Variants in LNPEP observed in about 807,000 individuals in gnomAD.
The protein encoded by LNPEP is leucyl-cystinyl aminopeptidase.
LNPEP carries 64 observed loss-of-function variants against 120.6 expected under a neutral mutation model. The ratio of observed to expected loss-of-function variants is 0.53; its 90% CI spans 0.43 to 0.65. LNPEP has a LOEUF of 0.65. Among genes scored for constraint, LNPEP ranks in the 30% least tolerant of loss-of-function variants. The probability of loss-of-function intolerance (pLI) is 0.00; values close to 1 mark genes in which losing one functional copy is unlikely to be tolerated. For synonymous variants in LNPEP, 435 were observed against 425.4 expected, an observed-to-expected ratio of 1.02 and a Z score of -0.28; for missense variants, 1,057 against 1,200.0, an observed-to-expected ratio of 0.88 and a Z score of 1.76.
chr5:96,970,806 C>A (rs530732979), intron 1 of LNPEP, among the ~76,000 whole-genome samples: 8 of 151,942 alleles, frequency 5.3e-5, no homozygotes, highest in Non-Finnish European at 1.0e-4. Flanking sequence ...TGCTTAATTT[C>A]TCTTACTCAA....
intron 1 of LNPEP, among the ~76,000 whole-genome samples, chr5:96,965,797 C>T (rs927664220): frequency 6.6e-6 from 1 of 152,072 alleles, no homozygotes; most frequent in South Asian, 2.1e-4. Flanking sequence ...AGAATTTCTA[C>T]CTTGTTTGTT....
chr5:97,004,650 C>T (rs1790735694), intron 9 of LNPEP, among the ~76,000 whole-genome samples: 1 of 152,142 alleles, frequency 6.6e-6, no homozygotes, highest in African/African-American at 2.4e-5. Context: ...AGGTTAGGAA[C>T]CCCTGCTCTG....
chr5:96,979,919 A>G lies in LNPEP; in HGVS notation c.801A>G (p.Ile267Met). 6.2e-7 allele frequency: 1 copy of G among 1,612,950 alleles called. No homozygotes were observed. The highest frequency in any genetic ancestry group is 8.5e-7 in the Non-Finnish European group (1 of 1,179,272). ...YTLKIEYSAN[I>M]SSSYYGFYGF... The stretch of plus-strand genomic sequence containing the variant: ...TGAAGATAGAGTACTCGGCAAATAT[A>G]TCTAGTTCTTATTATGGGTTTTATG... The change falls in exon 2 of 18, where the codon ATA becomes ATG. Residue 267 changes from isoleucine (I) to methionine (M), a missense_variant. By Grantham distance (10) the Ile-to-Met change is conservative. Coordinates refer to ENST00000231368, the MANE Select transcript of LNPEP (RefSeq NM_005575.3).
chr5:97,022,294 C>T lies in LNPEP; in HGVS notation c.2377-6C>T, dbSNP rs374578138. ...GAAGCCATTATAATCTATTTTGTCT[C>T]TCTAGACTAGGGTATTTAAATTACT... On this transcript the variant is annotated splice_region_variant and splice_polypyrimidine_tract_variant and intron_variant, in intron 13 of 17. Coordinates refer to ENST00000231368, the MANE Select transcript of LNPEP (RefSeq NM_005575.3). 9 of 1,542,962 alleles carry T rather than the reference C, an allele frequency of 5.8e-6. No homozygotes were observed. The African/African-American group carries it at 1.2e-4, about 21-fold the overall frequency.
chr5:96,965,389 C>T (rs943288536), intron 1 of LNPEP, among the ~76,000 whole-genome samples: 1 of 151,726 alleles, frequency 6.6e-6, no homozygotes, highest in Non-Finnish European at 1.5e-5. Flanking sequence ...TCCTAGAATT[C>T]TGCCTCCCAA....
At chr5:97,023,402 C>T (rs1198519154) in intron 14 of LNPEP, among the ~76,000 whole-genome samples, 2 of 151,972 alleles carry the variant, frequency 1.3e-5, no homozygotes, top group South Asian at 2.1e-4. Flanking sequence ...TACAGGCATC[C>T]GCCACCACAC....
chr5:97,021,739 C>G (rs1280694031), intron 13 of LNPEP, among the ~76,000 whole-genome samples: 1 of 151,942 alleles, frequency 6.6e-6, no homozygotes, highest in Non-Finnish European at 1.5e-5. Context: ...CTAAAAGTCC[C>G]CCTTAGCTAT....
chr5:97,009,944 CT>C (rs1790884783), intron 11 of LNPEP, among the ~76,000 whole-genome samples: 1 of 152,018 alleles, frequency 6.6e-6, no homozygotes, highest in Admixed American at 6.6e-5. Context: ...TTGGTTAAAT[CT>C]TTAATATATT....
chr5:96,952,923 T>A (rs1789357875), intron 1 of LNPEP, among the ~76,000 whole-genome samples: 1 of 152,198 alleles, frequency 6.6e-6, no homozygotes, highest in Non-Finnish European at 1.5e-5. Flanking sequence ...CTTTTCTTGA[T>A]CTCTGGACCC....
chr5:97,008,368 T>TTTTTTTTTTTTTTTTTC (rs1790842685), intron 11 of LNPEP, among the ~76,000 whole-genome samples: 1 of 92,890 alleles, frequency 1.1e-5, no homozygotes. Flanking sequence ...TTTTTTTTTT[T>TTTTTTTTTTTTTTTTTC]GAGTTGGAGT....
chr5:96,974,738 T>TTCCCTGG (rs1195656924), intron 1 of LNPEP, among the ~76,000 whole-genome samples: 1 of 152,128 alleles, frequency 6.6e-6, no homozygotes, highest in Non-Finnish European at 1.5e-5. Flanking sequence ...AAGTCACTGG[T>TTCCCTGG]TCCCTGGTTA....
At chr5:97,023,354 A>G (rs1261437015) in intron 14 of LNPEP, among the ~76,000 whole-genome samples, 3 of 152,030 alleles carry the variant, frequency 2.0e-5, no homozygotes, top group Admixed American at 6.6e-5. Context: ...CTCGGGTTCC[A>G]TTGATTCTCC....
chr5:96,999,996 A>G (rs1016414963), intron 8 of LNPEP, among the ~76,000 whole-genome samples: 1 of 152,094 alleles, frequency 6.6e-6, no homozygotes, highest in African/African-American at 2.4e-5. Context: ...ACAAATACTA[A>G]CCATATACCA....
chr5:96,954,618 CTATATATATATATACA>C lies in LNPEP; in HGVS notation c.19+18451_19+18466del, dbSNP rs1332919117. On this transcript the variant is annotated intron_variant, in intron 1 of 17. Transcript: ENST00000231368. ...TGCAAGTCTCTCTCTCTCTCTCTCT[CTATATATATATATACA>C]TATATACATATATACATATATACAC... Among the ~76,000 whole-genome samples, 92 of 57,532 alleles carry C rather than the reference CTATATATATATATACA, an allele frequency of 1.6e-3. 10 individuals carry two copies. Among genetic ancestry groups the C allele is most frequent in the African/African-American group, 5.0e-3 (87 of 17,240 alleles). The allele number at this position is 57,532 out of a possible 152,430, so 37.7% of individuals were successfully genotyped here.
At chr5:96,987,644 A>G (rs1173196887) in intron 4 of LNPEP, among the ~76,000 whole-genome samples, 1 of 152,224 alleles carries the variant, frequency 6.6e-6, no homozygotes, top group Non-Finnish European at 1.5e-5. Flanking sequence ...CAGTAATAAT[A>G]CTGTATGCCT....
At chr5:97,020,708 A>G (rs192104409) in intron 13 of LNPEP, among the ~76,000 whole-genome samples, 15 of 152,290 alleles carry the variant, frequency 9.8e-5, no homozygotes, top group African/African-American at 3.6e-4. Flanking sequence ...AGGCTGAAGC[A>G]GGAGAATGAC....
rs779355690 is a variant in LNPEP at position 97,013,770 on chromosome 5, C to A, written c.2158C>A (p.Pro720Thr). Residue 720 changes from proline (P) to threonine (T), a missense_variant, in exon 12 of 18, where the codon CCT (proline) becomes ACT (threonine). Transcript: ENST00000231368. ...EALIHQLKIN[P>T]YVLSDKDRAN... ...ACTAATCCATCAGTTGAAAATAAAT[C>A]CTTATGTTCTGAGTGACAAAGACCG... 26 of 1,611,676 alleles carry A rather than the reference C, an allele frequency of 1.6e-5. No individual in the cohort carries two copies. Among genetic ancestry groups the A allele is most frequent in the Non-Finnish European group, 2.0e-5 (23 of 1,178,618 alleles).
chr5:96,961,466 T>A (rs556572456), intron 1 of LNPEP, among the ~76,000 whole-genome samples: 15 of 152,338 alleles, frequency 9.8e-5, no homozygotes, highest in Non-Finnish European at 1.8e-4. Context: ...TTGTTTTTTT[T>A]ATAAATGTAA....
At chr5:96,937,616 G>A (rs774173336) in intron 1 of LNPEP, 4 of 152,072 alleles carry the variant, frequency 2.6e-5, no homozygotes, top group Non-Finnish European at 5.9e-5. Flanking sequence ...TTGGAAGAAT[G>A]CTTGGAGTTA....
Sources: allele counts gnomAD v4.1 joint callset (sites outside exome capture counted in the v4.1 genomes callset), GRCh38; gene constraint gnomAD v4.1.1; transcripts MANE v1.5; gene names NCBI Gene and HGNC (gene_info 2026-07-23, HGNC 2026-07-21).